The following ARFGEF3 variants were observed in gnomAD, a reference collection of about 807,000 sequenced individuals.
ARFGEF3 encodes the protein brefeldin A-inhibited guanine nucleotide-exchange protein 3.
ARFGEF3 carries 96 observed loss-of-function variants against 221.7 expected under a neutral mutation model. The observed-to-expected ratio is 0.43, with a 90% CI of 0.37 to 0.51. The LOEUF (loss-of-function observed/expected upper bound fraction) is 0.51. ARFGEF3 is among the 20% of genes least tolerant of loss of function. The pLI is 0.00. For missense variants in ARFGEF3, 2,410 were observed against 2,789.9 expected (o/e 0.86, Z 3.07); for synonymous variants, 1,145 against 1,126.8 (o/e 1.02, Z -0.32).
At chr6:138,220,244 C>G (rs1380186627) in intron 4 of ARFGEF3, among the ~76,000 whole-genome samples, 1 of 152,194 alleles carries the variant, frequency 6.6e-6, no homozygotes, top group Non-Finnish European at 1.5e-5. Context: ...TTCAAACAAT[C>G]TATCTGCCTT....
At chr6:138,309,909 G>T (rs1490732841) in intron 24 of ARFGEF3, among the ~76,000 whole-genome samples, 1 of 152,170 alleles carries the variant, frequency 6.6e-6, no homozygotes, top group Non-Finnish European at 1.5e-5. Flanking sequence ...TACTCAGTCT[G>T]ATTCAAATGC....
At position 138,291,961 on chromosome 6, in the gene ARFGEF3, C is replaced by T; in HGVS notation, c.3276C>T (p.Ser1092=). 1.3e-6 allele frequency: 2 copies of T among 1,531,678 alleles called. No individual in the cohort carries two copies. Among genetic ancestry groups the T allele is most frequent in the Non-Finnish European group, 1.8e-6 (2 of 1,140,930 alleles). 94.9% of individuals were successfully genotyped at this position (1,531,678 alleles called of 1,614,324 possible). A position where few individuals can be genotyped will look rare whatever the true frequency, so the allele number is the denominator to read the frequency against. ...LSIQDLVREG[S]RGRASDFRGG... is the part of the protein sequence containing the mutation. ...TCCAGGACCTCGTCCGGGAAGGCAG[C>T]CGGGGTCGGGCCTCCGACTTCCGCG... Residue 1092 remains serine, a synonymous_variant, in exon 19 of 34, where the codon AGC becomes AGT. Coordinates refer to ENST00000251691, the MANE Select transcript of ARFGEF3 (RefSeq NM_020340.5). This position sits in a 1 kb window ranked among gnomAD's most constrained non-coding sequence, Gnocchi z 4.5.
At chr6:138,263,765 G>A (rs1479357218) in intron 12 of ARFGEF3, among the ~76,000 whole-genome samples, 154 bp downstream of exon 12, 1 of 152,208 alleles carries the variant, frequency 6.6e-6, no homozygotes, top group Non-Finnish European at 1.5e-5. Context: ...AGAAATCTAA[G>A]ACCTATTAGT....
intron 4 of ARFGEF3, chr6:138,217,843 T>G: frequency 2.5e-6 from 3 of 1,179,976 alleles, no homozygotes; most frequent in East Asian, 2.5e-5. Flanking sequence ...TGAAATAACC[T>G]CCTACATCAT....
chr6:138,278,964 TG>T (rs1222642985), intron 13 of ARFGEF3, among the ~76,000 whole-genome samples: 1 of 152,054 alleles, frequency 6.6e-6, no homozygotes, highest in African/African-American at 2.4e-5. Context: ...ATCATTGACG[TG>T]TTAAGGGAGA....
At chr6:138,292,625 C>T (rs1295804429) in intron 19 of ARFGEF3, among the ~76,000 whole-genome samples, 1 of 152,116 alleles carries the variant, frequency 6.6e-6, no homozygotes, top group Non-Finnish European at 1.5e-5. Context: ...ACCTCACTTA[C>T]CTCTTCAGTG....
chr6:138,193,609 GAATGCC>G (rs1407482824), intron 2 of ARFGEF3, among the ~76,000 whole-genome samples: 1 of 152,140 alleles, frequency 6.6e-6, no homozygotes, highest in African/African-American at 2.4e-5. Context: ...AGTCATTTAG[GAATGCC>G]AATTTTAGTT....
chr6:138,255,854 G>T (rs1778668684), intron 10 of ARFGEF3, 85 bp downstream of exon 10: 1 of 1,184,568 alleles, frequency 8.4e-7, no homozygotes, highest in South Asian at 1.6e-5. Flanking sequence ...GAAAAGGCTT[G>T]CCAATCACTT....
intron 2 of ARFGEF3, among the ~76,000 whole-genome samples, chr6:138,171,321 G>A (rs1455752751): frequency 6.6e-6 from 1 of 151,914 alleles, no homozygotes; most frequent in African/African-American, 2.4e-5. Flanking sequence ...GGAAGTCCAT[G>A]GTAAAAGGAT....
rs139576855 is a variant in ARFGEF3 at position 138,289,056 on chromosome 6, C to T, written c.2897-762C>T. Among the ~76,000 whole-genome samples the T allele has an allele frequency of 4.5e-3, 687 of 152,302 alleles. 6 individuals are homozygous for T. Among genetic ancestry groups the T allele is most frequent in the African/African-American group, 0.016 (645 of 41,558 alleles). ...GCAATCTCCGCCTCCCAGGTTCAAGCTATTCTCCTGCCCCAGCCTCCTGAG... is the reference window on the plus strand; with the variant it reads ...GCAATCTCCGCCTCCCAGGTTCAAGTTATTCTCCTGCCCCAGCCTCCTGAG... On this transcript the variant is annotated intron_variant, in intron 17 of 33. Coordinates refer to ENST00000251691, the MANE Select transcript of ARFGEF3 (RefSeq NM_020340.5).
At chr6:138,201,519 A>G (rs1380246636) in intron 2 of ARFGEF3, among the ~76,000 whole-genome samples, 1 of 152,230 alleles carries the variant, frequency 6.6e-6, no homozygotes, top group Non-Finnish European at 1.5e-5. Context: ...AGCATTTGCA[A>G]TGACCTGGAT....
At chr6:138,186,917 T>C (rs918928313) in intron 2 of ARFGEF3, among the ~76,000 whole-genome samples, 9 of 135,498 alleles carry the variant, frequency 6.6e-5, no homozygotes, top group East Asian at 2.1e-4. Flanking sequence ...TTTTTTTTTT[T>C]TTTTTTTTTT....
chr6:138,338,833 C>A lies in ARFGEF3; in HGVS notation c.*2347C>A, dbSNP rs966027503. On this transcript the variant is annotated 3_prime_UTR_variant, in exon 34 of 34. Coordinates refer to ENST00000251691, the MANE Select transcript of ARFGEF3 (RefSeq NM_020340.5). ...AAAAAAAAAAAAGTGAATACTGTAT[C>A]CCAAAGTATGTTAGTTGTTTGTTTG... 1 of 151,310 alleles carries A rather than the reference C, an allele frequency of 6.6e-6. No individual in the cohort carries two copies. Among genetic ancestry groups the A allele is most frequent in the Admixed American group, 6.6e-5 (1 of 15,148 alleles). 9.4% of individuals were successfully genotyped at this position (151,310 alleles called of 1,614,324 possible).
intron 32 of ARFGEF3, among the ~76,000 whole-genome samples, chr6:138,331,820 T>C (rs1010329083): frequency 1.3e-5 from 2 of 152,228 alleles, no homozygotes; most frequent in Admixed American, 1.3e-4. Flanking sequence ...GCGTAGATGA[T>C]TAAGAATTGC....
intron 19 of ARFGEF3, among the ~76,000 whole-genome samples, chr6:138,292,660 C>T (rs560321329): frequency 4.9e-4 from 75 of 152,176 alleles, no homozygotes; most frequent in African/African-American, 8.2e-4. Context: ...CCCAGACCCC[C>T]GGCACGGGCA....
intron 4 of ARFGEF3, among the ~76,000 whole-genome samples, chr6:138,211,936 G>A (rs886579170): frequency 4.6e-5 from 7 of 152,102 alleles, no homozygotes; most frequent in African/African-American, 1.4e-4. Context: ...TATAAACCTT[G>A]ATACTTTTAG....
intron 6 of ARFGEF3, among the ~76,000 whole-genome samples, chr6:138,241,207 G>A (rs190975694): frequency 3.5e-4 from 54 of 152,218 alleles, no homozygotes; most frequent in African/African-American, 1.1e-3. Flanking sequence ...TAGGTCTAGC[G>A]CCTAAAACTA....
At position 138,255,721 on chromosome 6, in the gene ARFGEF3, C is replaced by G; in HGVS notation, c.1056C>G (p.Leu352=). The G allele has an allele frequency of 2.5e-6, 4 of 1,605,306 alleles. No individual in the cohort carries two copies. Among genetic ancestry groups the G allele is most frequent in the Non-Finnish European group, 3.4e-6 (4 of 1,173,842 alleles). Residue 352 remains leucine (L), a synonymous_variant, in exon 10 of 34, where the codon CTC becomes CTG. Transcript: ENST00000251691. ...AGTCCCTCTACCACCGAGTGCTGCTCTACCCCCCACCCCAGCACCGGGTGG... is the reference window on the plus strand; with the variant it reads ...AGTCCCTCTACCACCGAGTGCTGCTGTACCCCCCACCCCAGCACCGGGTGG... The part of the protein sequence containing the change: ...VLQSLYHRVL[L]YPPPQHRVEA...
chr6:138,313,507 T>A (rs1000964358), intron 25 of ARFGEF3, among the ~76,000 whole-genome samples: 16 of 152,318 alleles, frequency 1.1e-4, no homozygotes, highest in African/African-American at 3.8e-4. Flanking sequence ...CTTCGGTAGG[T>A]TTATAAAAGT....
Sources: allele counts gnomAD v4.1 joint callset (sites outside exome capture counted in the v4.1 genomes callset), GRCh38; gene constraint gnomAD v4.1.1; non-coding constraint Gnocchi (gnomAD v3.1); transcripts MANE v1.5; gene names NCBI Gene and HGNC (gene_info 2026-07-23, HGNC 2026-07-21).